TNFRSF9: variants seen among roughly 807,000 people sequenced by gnomAD.
TNFRSF9 encodes the protein TNF receptor superfamily member 9.
In TNFRSF9, 16 loss-of-function variants were observed where a neutral mutation model predicts 28.8. The observed-to-expected ratio is 0.55, with a 90% CI of 0.38 to 0.84. The LOEUF is 0.84. Among genes scored for constraint, TNFRSF9 ranks in the 40% least tolerant of loss-of-function variants. The pLI, the probability that TNFRSF9 is intolerant of heterozygous loss-of-function variation, is 0.00. For missense variants in TNFRSF9, 303 were observed against 315.0 expected (o/e 0.96, Z 0.29); for synonymous variants, 131 against 117.0 (o/e 1.12, Z -0.77).
Position 7,938,202 on chromosome 1 carries a change from T to G in TNFRSF9, c.337A>C (p.Thr113Pro), listed in dbSNP as rs769942709. 2.5e-6 allele frequency: 4 copies of G among 1,580,062 alleles called. No homozygotes were observed. Among genetic ancestry groups the G allele is most frequent in the Admixed American group, 1.9e-5 (1 of 53,844 alleles). ...EQDCKQGQEL[T>P]KKGCKDCCFG... ...AGAAACGCAAACGTACCTTTTTTTG[T>G]CAGTTCTTGACCTTGTTTACAATCC... The change falls in exon 4 of 8, where the codon ACA (threonine) becomes CCA (proline). Residue 113 changes from threonine (T) to proline (P), a missense_variant. Transcript: ENST00000377507.
rs146841878 is a variant in TNFRSF9 at position 7,929,577 on chromosome 1, CTCTA to C, written c.679+3581_679+3584del. On this transcript the variant is annotated intron_variant, in intron 7 of 7. Transcript: ENST00000377507. ...AAATATAATCTTTTAGAGAGGCTCT[CTCTA>C]TCTATGATTTAGCTTGACACATACC... 4.3e-3 allele frequency among the ~76,000 whole-genome samples: 661 copies of C among 152,290 alleles called. 5 individuals carry two copies. Among genetic ancestry groups the C allele is most frequent in the African/African-American group, 0.015 (627 of 41,550 alleles).
intron 7 of TNFRSF9, among the ~76,000 whole-genome samples, chr1:7,930,922 C>T (rs188202515): frequency 2.0e-5 from 3 of 152,230 alleles, no homozygotes; most frequent in Non-Finnish European, 4.4e-5. Flanking sequence ...ACTTCCTATA[C>T]GTTAGTAAGA....
chr1:7,926,713 G>T (rs1361518160), intron 7 of TNFRSF9, among the ~76,000 whole-genome samples: 1 of 152,172 alleles, frequency 6.6e-6, no homozygotes, highest in African/African-American at 2.4e-5. Flanking sequence ...AGGCTGTGTG[G>T]TATTGGCAGA....
intron 7 of TNFRSF9, chr1:7,921,802 A>G (rs1218466587): frequency 6.6e-6 from 1 of 152,216 alleles, no homozygotes; most frequent in Non-Finnish European, 1.5e-5. Flanking sequence ...TTGGTCTTTA[A>G]GAACTATTTT....
intron 7 of TNFRSF9, among the ~76,000 whole-genome samples, chr1:7,931,820 C>G (rs950361025): frequency 6.6e-6 from 1 of 152,178 alleles, no homozygotes; most frequent in Non-Finnish European, 1.5e-5. Context: ...TTAAAAAGAG[C>G]CTTTAAATAC....
In TNFRSF9 at chr1:7,917,637, C is replaced by T. The variant is rs1248745619; in HGVS notation, c.*3198G>A. On this transcript the variant is annotated 3_prime_UTR_variant, in exon 8 of 8. Transcript: ENST00000377507. ...TATAGTATTGGGCAGAAAAGGATTT[C>T]TTTAGCCAGGCAAGAAAAAATGTTA... is the stretch of plus-strand genomic sequence containing the variant. The T allele has an allele frequency of 1.3e-5, 2 of 152,078 alleles. No homozygotes were observed. The highest frequency in any genetic ancestry group is 4.8e-5 in the African/African-American group (2 of 41,416). The allele number at this position is 152,078 out of a possible 1,614,324, so 9.4% of individuals were successfully genotyped here.
At position 7,920,555 on chromosome 1, in the gene TNFRSF9, C is replaced by A; in HGVS notation, c.*280G>T. 1 of 308,536 alleles carries A rather than the reference C, an allele frequency of 3.2e-6. No individual in the cohort carries two copies. Among genetic ancestry groups the A allele is most frequent in the Non-Finnish European group, 6.0e-6 (1 of 165,638 alleles). The allele number at this position is 308,536 out of a possible 1,614,324, so 19.1% of individuals were successfully genotyped here. On this transcript the variant is annotated 3_prime_UTR_variant, in exon 8 of 8. Coordinates refer to ENST00000377507, the MANE Select transcript of TNFRSF9 (RefSeq NM_001561.6). ...GTTCCAGCTACTCAGGAGACTGAGG[C>A]AGGAGGATCACTTGAGCTCCCAGAG...
At chr1:7,933,067 C>T in intron 7 of TNFRSF9, 95 bp downstream of exon 7, 1 of 1,459,642 alleles carries the variant, frequency 6.9e-7, no homozygotes, top group Non-Finnish European at 9.2e-7. Context: ...GCTATATGAA[C>T]CTCATTTCTA....
intron 7 of TNFRSF9, among the ~76,000 whole-genome samples, chr1:7,928,956 G>C (rs1232645765): frequency 6.6e-6 from 1 of 152,004 alleles, no homozygotes; most frequent in East Asian, 1.9e-4. Flanking sequence ...TGGAGCCAGG[G>C]AAGGCCGTGA....
At chr1:7,922,793 C>A (rs1029044889) in intron 7 of TNFRSF9, among the ~76,000 whole-genome samples, 1 of 151,452 alleles carries the variant, frequency 6.6e-6, no homozygotes, top group Non-Finnish European at 1.5e-5. Flanking sequence ...GCCTGGGCAA[C>A]AGAGCAAGAC....
chr1:7,939,887 G>T lies in TNFRSF9; in HGVS notation c.100+8C>A, dbSNP rs1639876054. 6.3e-7 allele frequency: 1 copy of T among 1,588,910 alleles called. No homozygotes were observed. ...CAGATCAAATGCACATGATAACTGG[G>T]TACTCACCAGCTGGGCAGTTACTAC... On this transcript the variant is annotated splice_region_variant and intron_variant, in intron 2 of 7. Coordinates refer to ENST00000377507, the MANE Select transcript of TNFRSF9 (RefSeq NM_001561.6).
At position 7,933,239 on chromosome 1, in the gene TNFRSF9, AAG is replaced by A; in HGVS notation, c.600_601del (p.Phe201ProfsTer13). ...ACGGAGCGTGAGGAAGAACAGCAGG[AAG>A]AGCAACGCAGTCGACGTCAGCGCAA... On this transcript the variant is annotated frameshift_variant, in exon 7 of 8. Coordinates refer to ENST00000377507, the MANE Select transcript of TNFRSF9 (RefSeq NM_001561.6). LOFTEE classifies it high-confidence loss of function. The A allele has an allele frequency of 6.2e-7, 1 of 1,614,030 alleles. No individual in the cohort carries two copies. Among genetic ancestry groups the A allele is most frequent in the South Asian group, 1.1e-5 (1 of 91,078 alleles).
At position 7,933,287 on chromosome 1, in the gene TNFRSF9, G is replaced by T; in HGVS notation, c.554C>A (p.Pro185Gln). The change falls in exon 7 of 8, where the codon CCG becomes CAG. Residue 185 changes from proline (P) to glutamine (Q), a missense_variant. Pro to Gln is a moderately conservative substitution (Grantham distance 76, BLOSUM62 -1). Transcript: ENST00000377507. ...PAPAREPGHS[P>Q]QIISFFLALT... Reference sequence around the variant, plus strand: ...CGCAAGAAAGAAGGAGATGATCTGCGGAGAGTGTCCTGCAAAACACAGCAA... The same window carrying T: ...CGCAAGAAAGAAGGAGATGATCTGCTGAGAGTGTCCTGCAAAACACAGCAA... The T allele has an allele frequency of 1.2e-6, 2 of 1,613,086 alleles. No homozygotes were observed. Among genetic ancestry groups the T allele is most frequent in the Non-Finnish European group, 1.7e-6 (2 of 1,179,504 alleles).
At chr1:7,935,176 T>G (rs765787211) in intron 5 of TNFRSF9, 33 bp from the exon 6 acceptor site, 1 of 1,604,202 alleles carries the variant, frequency 6.2e-7, no homozygotes, top group South Asian at 1.1e-5. Context: ...ATTTAAATAA[T>G]TAACTTAGGT....
intron 7 of TNFRSF9, among the ~76,000 whole-genome samples, chr1:7,932,150 A>G (rs1578074671): frequency 6.6e-6 from 1 of 152,214 alleles, no homozygotes; most frequent in Non-Finnish European, 1.5e-5. Flanking sequence ...AAAAGAAAAA[A>G]AAAGACTTTA....
intron 7 of TNFRSF9, 164 bp downstream of exon 7, chr1:7,932,998 G>T: frequency 1.3e-6 from 1 of 787,890 alleles, no homozygotes; most frequent in South Asian, 1.9e-5. Flanking sequence ...CACTGCAACT[G>T]TCTCCAGACA....
intron 5 of TNFRSF9, 132 bp from the exon 6 acceptor site, chr1:7,935,275 T>C (rs148631355): frequency 6.0e-6 from 6 of 999,972 alleles, no homozygotes; most frequent in Non-Finnish European, 8.6e-6. Context: ...TCGAAAGCGA[T>C]GCAAAGATAT....
intron 7 of TNFRSF9, among the ~76,000 whole-genome samples, chr1:7,926,863 T>C (rs1277613660): frequency 3.9e-5 from 6 of 152,288 alleles, no homozygotes; most frequent in African/African-American, 1.4e-4. Context: ...TGGACGTCCA[T>C]AGTCCAACAA....
intron 7 of TNFRSF9, among the ~76,000 whole-genome samples, chr1:7,923,258 G>A (rs1639588966): frequency 6.6e-6 from 1 of 152,098 alleles, no homozygotes; most frequent in South Asian, 2.1e-4. Flanking sequence ...AAAACACCGT[G>A]GCTCCGCCTG....
Sources: allele counts gnomAD v4.1 joint callset (sites outside exome capture counted in the v4.1 genomes callset), GRCh38; gene constraint gnomAD v4.1.1; transcripts MANE v1.5; gene names NCBI Gene and HGNC (gene_info 2026-07-23, HGNC 2026-07-21).